Variants in LAP3 observed in about 807,000 individuals in gnomAD.
The protein encoded by LAP3 is cytosol aminopeptidase.
A neutral mutation model predicts 58.8 loss-of-function variants in LAP3; 46 were observed. The observed-to-expected ratio is 0.78, with a 90% CI of 0.62 to 1.00. The LOEUF (loss-of-function observed/expected upper bound fraction) is 1.00. Among genes scored for constraint, LAP3 ranks in the 50% least tolerant of loss-of-function variants. The probability of loss-of-function intolerance (pLI) is 0.00; values close to 1 mark genes in which losing one functional copy is unlikely to be tolerated. For missense variants in LAP3, 615 were observed against 659.1 expected (o/e 0.93, Z 0.73); for synonymous variants, 257 against 237.7 (o/e 1.08, Z -0.75).
At chr4:17,593,110 T>C (rs1007215427) in intron 7 of LAP3, among the ~76,000 whole-genome samples, 1 of 152,258 alleles carries the variant, frequency 6.6e-6, no homozygotes, top group African/African-American at 2.4e-5. Context: ...AGCTGGGCAT[T>C]TTTTAATGTG....
At chr4:17,581,576 TTA>T (rs1491174360) in intron 2 of LAP3, among the ~76,000 whole-genome samples, 182 bp from the exon 3 acceptor site, 7 of 82,726 alleles carry the variant, frequency 8.5e-5, no homozygotes, top group East Asian at 2.8e-3. Context: ...CTGTCTCTAT[TTA>T]AAAAAAAAAA....
At chr4:17,597,336 C>T (rs1271132967) in intron 9 of LAP3, among the ~76,000 whole-genome samples, 1 of 152,176 alleles carries the variant, frequency 6.6e-6, no homozygotes, top group Non-Finnish European at 1.5e-5. Flanking sequence ...AGTGCAGTGG[C>T]GTGATCATGT....
intron 9 of LAP3, among the ~76,000 whole-genome samples, chr4:17,597,926 G>C (rs1220977695): frequency 6.6e-6 from 1 of 152,146 alleles, no homozygotes; most frequent in East Asian, 1.9e-4. Flanking sequence ...TTAAAAGAAA[G>C]GAATATAGTT....
At chr4:17,595,223 T>C (rs1713799205) in intron 7 of LAP3, among the ~76,000 whole-genome samples, 187 bp from the exon 8 acceptor site, 1 of 149,472 alleles carries the variant, frequency 6.7e-6, no homozygotes, top group Non-Finnish European at 1.5e-5. Context: ...GTATTTATAG[T>C]AGAGATGGGT....
chr4:17,601,129 C>G (rs998005620), intron 10 of LAP3, among the ~76,000 whole-genome samples: 10 of 152,286 alleles, frequency 6.6e-5, no homozygotes, highest in African/African-American at 2.4e-4. Context: ...GAGTGTGGTG[C>G]TATCCTCACT....
intron 6 of LAP3, chr4:17,586,019 C>T (rs1200108065): frequency 6.6e-6 from 1 of 152,198 alleles, no homozygotes; most frequent in African/African-American, 2.4e-5. Context: ...AAGAACACAG[C>T]ATGCCTAACT....
chr4:17,577,654 T>C, intron 1 of LAP3, 87 bp downstream of exon 1: 1 of 1,063,584 alleles, frequency 9.4e-7, no homozygotes, highest in Non-Finnish European at 1.4e-6. Flanking sequence ...AGCCGCGGTG[T>C]CCTGGGCGCC....
In LAP3 at chr4:17,606,814, A is replaced by G. The variant is rs370340611; in HGVS notation, c.1261-15A>G. 6 of 1,584,934 alleles carry G rather than the reference A, an allele frequency of 3.8e-6. No individual in the cohort carries two copies. The African/African-American group carries it at 8.1e-5, about 21-fold the overall frequency. On this transcript the variant is annotated splice_polypyrimidine_tract_variant and intron_variant, in intron 11 of 12. Transcript: ENST00000226299. Reference sequence around the variant, plus strand: ...TGCCTCATCCACTCTTCCACCTGTCATACCTGTTCTCTAGGCCAGCATTGA... The same window carrying G: ...TGCCTCATCCACTCTTCCACCTGTCGTACCTGTTCTCTAGGCCAGCATTGA...
rs760349712 is a variant in LAP3 at position 17,583,639 on chromosome 4, G to A, written c.536G>A (p.Gly179Glu). 25 of 1,612,024 alleles carry A rather than the reference G, an allele frequency of 1.6e-5. No homozygotes were observed. The highest frequency in any genetic ancestry group is 2.0e-5 in the Non-Finnish European group (24 of 1,180,016). ...ATGGCTGTGTCGGCAAAGCTCTATG[G>A]AAGGTGATGGAAGCAAATTAGGAGG... The part of the protein sequence containing the change: ...KKMAVSAKLY[G>E]SGDQEAWQKG... The change falls in exon 5 of 13, where the codon GGA becomes GAA. Residue 179 changes from glycine to glutamate, a missense_variant. By Grantham distance (98) the Gly-to-Glu change is moderately conservative (BLOSUM62 -2). Transcript: ENST00000226299.
intron 7 of LAP3, among the ~76,000 whole-genome samples, chr4:17,592,459 TTCA>T (rs754139912): frequency 2.6e-5 from 4 of 152,232 alleles, no homozygotes; most frequent in African/African-American, 4.8e-5. Flanking sequence ...TGTTTACCCA[TTCA>T]TCTATTGGTG....
In LAP3 at chr4:17,577,421, T is replaced by A; in HGVS notation, c.-45T>A. ...CCCAAGGCGCGCCCGCCCACCGCTC[T>A]CCACGTGCTCGCTGGAGGGCGGTGC... On this transcript the variant is annotated 5_prime_UTR_variant, in exon 1 of 13. Transcript: ENST00000226299. The A allele has an allele frequency of 6.9e-7, 1 of 1,456,024 alleles. No individual in the cohort carries two copies. Among genetic ancestry groups the A allele is most frequent in the South Asian group, 1.3e-5 (1 of 77,896 alleles). The allele number at this position is 1,456,024 out of a possible 1,614,324, so 90.2% of individuals were successfully genotyped here.
At chr4:17,603,035 C>T (rs1395287738) in intron 10 of LAP3, among the ~76,000 whole-genome samples, 1 of 151,302 alleles carries the variant, frequency 6.6e-6, no homozygotes, top group African/African-American at 2.4e-5. Flanking sequence ...CAGCCAGGCG[C>T]GATGGCTCAC....
intron 6 of LAP3, chr4:17,585,942 C>T (rs4698621): frequency 0.62 from 94,540 of 152,146 alleles, 30,008 homozygotes; most frequent in East Asian, 0.88. Flanking sequence ...TTCTGTTTAA[C>T]TTTTTGAGGA....
chr4:17,583,715 G>A, intron 5 of LAP3, 73 bp downstream of exon 5: 3 of 1,562,348 alleles, frequency 1.9e-6, no homozygotes, highest in African/African-American at 1.4e-5. Context: ...GATATGAGCT[G>A]CCTGCTTTTC....
At chr4:17,585,230 A>T (rs1713475913) in intron 6 of LAP3, 94 bp downstream of exon 6, 1 of 1,043,088 alleles carries the variant, frequency 9.6e-7, no homozygotes, top group Admixed American at 2.0e-5. Flanking sequence ...TAGAGGAATA[A>T]CTTGAGACCA....
intron 1 of LAP3, among the ~76,000 whole-genome samples, chr4:17,578,341 A>T (rs925870023): frequency 1.3e-5 from 2 of 152,220 alleles, no homozygotes; most frequent in Non-Finnish European, 2.9e-5. Context: ...GCCTACCCAG[A>T]TAACAGTTGC....
intron 7 of LAP3, among the ~76,000 whole-genome samples, chr4:17,591,417 C>T (rs1038147007): frequency 4.6e-5 from 7 of 150,824 alleles, no homozygotes; most frequent in East Asian, 2.0e-4. Context: ...CTGGGATTAC[C>T]GGTGTGAGCC....
At chr4:17,607,314 T>G in intron 12 of LAP3, 86 bp from the exon 13 acceptor site, 1 of 1,131,732 alleles carries the variant, frequency 8.8e-7, no homozygotes, top group Non-Finnish European at 1.3e-6. Context: ...TCTTGTTCTT[T>G]GGTTATAGAA....
In LAP3 at chr4:17,595,543, G is replaced by C. The variant is rs779884843; in HGVS notation, c.988+9G>C. On this transcript the variant is annotated intron_variant, in intron 8 of 12. Coordinates refer to ENST00000226299, the MANE Select transcript of LAP3 (RefSeq NM_015907.3). ...GCCCATTAATATTATAGGTAAGTGG[G>C]GTAACGGATTACATCTCATAACGCT... 4.6e-5 allele frequency: 75 copies of C among 1,613,206 alleles called. No homozygotes were observed. The highest frequency in any genetic ancestry group is 5.9e-5 in the Non-Finnish European group (70 of 1,179,554).
Sources: allele counts gnomAD v4.1 joint callset (sites outside exome capture counted in the v4.1 genomes callset), GRCh38; gene constraint gnomAD v4.1.1; transcripts MANE v1.5; gene names NCBI Gene and HGNC (gene_info 2026-07-23, HGNC 2026-07-21).